Variants in P4HA1 observed in about 807,000 individuals in gnomAD.
P4HA1 encodes the protein prolyl 4-hydroxylase subunit alpha-1.
P4HA1 carries 24 observed loss-of-function variants against 72.8 expected under a neutral mutation model. The observed-to-expected ratio is 0.33, with a 90% CI of 0.24 to 0.46. The LOEUF is 0.46. P4HA1 is among the 20% of genes least tolerant of loss of function. The pLI, the probability that P4HA1 is intolerant of heterozygous loss-of-function variation, is 1.00. For synonymous variants in P4HA1, 201 were observed against 218.8 expected (o/e 0.92, Z 0.72); for missense variants, 446 against 640.6 (o/e 0.70, Z 3.28).
rs372617479 is a variant in P4HA1 at position 73,073,966 on chromosome 10, C to CT, written c.77-140dup. The stretch of plus-strand genomic sequence containing the variant: ...ATATGCTGGAGACTATCTTTTCTTC[C>CT]TTTTTACCAGATAAACCAAAATAAA... On this transcript the variant is annotated intron_variant, in intron 2 of 14. Coordinates refer to ENST00000394890, the MANE Select transcript of P4HA1 (RefSeq NM_001017962.3). 719 of 643,128 alleles carry CT rather than the reference C, an allele frequency of 1.1e-3. 2 individuals carry two copies. The African/African-American group carries it at 0.012, about 11-fold the overall frequency. 39.8% of individuals were successfully genotyped at this position (643,128 alleles called of 1,614,324 possible).
chr10:73,070,825 G>C (rs527936708), intron 4 of P4HA1, among the ~76,000 whole-genome samples: 3 of 151,998 alleles, frequency 2.0e-5, no homozygotes, highest in Non-Finnish European at 4.4e-5. Context: ...AAAGTGCCAA[G>C]GTTCACATTA....
intron 1 of P4HA1, among the ~76,000 whole-genome samples, chr10:73,084,918 T>C (rs1446886659): frequency 6.6e-6 from 1 of 152,010 alleles, no homozygotes; most frequent in Non-Finnish European, 1.5e-5. Flanking sequence ...GATGGAAGGA[T>C]CACTTGAGCT....
At chr10:73,077,193 C>A (rs1470009881) in intron 1 of P4HA1, among the ~76,000 whole-genome samples, 1 of 152,218 alleles carries the variant, frequency 6.6e-6, no homozygotes, top group African/African-American at 2.4e-5. Context: ...CTAGAATTTT[C>A]TGTTTAAACA....
intron 10 of P4HA1, among the ~76,000 whole-genome samples, chr10:73,024,510 T>C (rs918612408): frequency 1.3e-5 from 2 of 152,200 alleles, no homozygotes; most frequent in African/African-American, 4.8e-5. Context: ...GGAAAATTTA[T>C]AGCACTAAAT....
chr10:73,047,133 A>T, intron 7 of P4HA1, 32 bp from the exon 8 acceptor site: 1 of 1,425,806 alleles, frequency 7.0e-7, no homozygotes, highest in African/African-American at 1.4e-5. Flanking sequence ...TGATGAATAT[A>T]TTACAGTAAT....
chr10:73,035,636 T>C (rs901578738), intron 9 of P4HA1, among the ~76,000 whole-genome samples: 1 of 152,330 alleles, frequency 6.6e-6, no homozygotes, highest in African/African-American at 2.4e-5. Flanking sequence ...ATAAACAATA[T>C]TGTAACAAAA....
At chr10:73,057,186 TG>T (rs1841170987) in intron 5 of P4HA1, among the ~76,000 whole-genome samples, 1 of 150,302 alleles carries the variant, frequency 6.7e-6, no homozygotes, top group South Asian at 2.1e-4. Flanking sequence ...AAACATGAAA[TG>T]CTAGTTAAAA....
intron 1 of P4HA1, among the ~76,000 whole-genome samples, chr10:73,089,006 CTCAT>C (rs939312710): frequency 6.6e-6 from 1 of 152,138 alleles, no homozygotes; most frequent in Admixed American, 6.5e-5. Context: ...TTAGAATCGG[CTCAT>C]TAATTTCTAT....
chr10:73,089,183 C>T (rs1490589887), intron 1 of P4HA1, among the ~76,000 whole-genome samples: 4 of 152,116 alleles, frequency 2.6e-5, no homozygotes, highest in Non-Finnish European at 4.4e-5. Flanking sequence ...AAAGTTAATA[C>T]TTAAGTATTT....
intron 7 of P4HA1, among the ~76,000 whole-genome samples, chr10:73,047,549 CAAAAAAAAAAA>C: frequency 1.7e-5 from 1 of 59,126 alleles, no homozygotes; most frequent in East Asian, 6.1e-4. Context: ...ATGCTTGTGG[CAAAAAAAAAAA>C]AAAAAAAAAA....
rs1839900648 is a variant in P4HA1 at position 73,011,041 on chromosome 10, T to C, written c.1369-4A>G. 1 of 1,611,584 alleles carries C rather than the reference T, an allele frequency of 6.2e-7. No individual in the cohort carries two copies. Among genetic ancestry groups the C allele is most frequent in the Non-Finnish European group, 8.5e-7 (1 of 1,178,242 alleles). On this transcript the variant is annotated splice_polypyrimidine_tract_variant and splice_region_variant and intron_variant, in intron 12 of 14. Transcript: ENST00000394890. Reference sequence around the variant, plus strand: ...CTCCTGCAGACACATCACTCATCTATAAGAAACAAGAGGGTGTTATCAAAA... The same window carrying C: ...CTCCTGCAGACACATCACTCATCTACAAGAAACAAGAGGGTGTTATCAAAA...
intron 9 of P4HA1, 93 bp downstream of exon 9, chr10:73,044,888 T>G (rs968733156): frequency 1.7e-5 from 17 of 1,015,084 alleles, no homozygotes; most frequent in Non-Finnish European, 2.5e-5. Context: ...AGCTGGTGAC[T>G]GAAAATGACC....
chr10:73,027,573 T>C (rs1378919600), intron 10 of P4HA1, among the ~76,000 whole-genome samples: 1 of 122,912 alleles, frequency 8.1e-6, no homozygotes, highest in Non-Finnish European at 1.6e-5. Flanking sequence ...GTTGTGCACA[T>C]GTACCCTAGA....
intron 10 of P4HA1, among the ~76,000 whole-genome samples, chr10:73,024,265 A>T (rs574128244): frequency 6.9e-4 from 104 of 151,680 alleles, no homozygotes; most frequent in Non-Finnish European, 2.4e-4. Context: ...CAGCAAATGT[A>T]AAAGAACAGA....
intron 7 of P4HA1, among the ~76,000 whole-genome samples, chr10:73,049,448 G>T (rs1840959882): frequency 6.6e-6 from 1 of 152,122 alleles, no homozygotes; most frequent in Middle Eastern, 3.2e-3. Context: ...TTTTCAAAAG[G>T]TTCCATAATC....
rs776245083 is a variant in P4HA1, at chr10:73,046,973, A to C, written c.1029T>G (p.Ile343Met). 1.2e-6 allele frequency: 2 copies of C among 1,613,032 alleles called. No individual in the cohort carries two copies. Among genetic ancestry groups the C allele is most frequent in the East Asian group, 4.5e-5 (2 of 44,840 alleles). ...DKPRIIRFHD[I>M]ISDAEIEIVK... Reference sequence around the variant, plus strand: ...CGATTTCAATTTCTGCATCAGAAATAATATCATGGAAGCGAATAATACGAG... The same window carrying C: ...CGATTTCAATTTCTGCATCAGAAATCATATCATGGAAGCGAATAATACGAG... Residue 343 changes from isoleucine (I) to methionine (M), a missense_variant, in exon 8 of 15, where the codon ATT becomes ATG. Ile to Met is a conservative substitution (Grantham distance 10). Transcript: ENST00000394890.
At chr10:73,077,981 C>G (rs924603584) in intron 1 of P4HA1, among the ~76,000 whole-genome samples, 1 of 145,076 alleles carries the variant, frequency 6.9e-6, no homozygotes, top group Non-Finnish European at 1.5e-5. Context: ...AAAGTGAGAC[C>G]CCATCTCAAA....
chr10:73,051,034 A>G lies in P4HA1; in HGVS notation c.900+19T>C. 1 of 1,587,768 alleles carries G rather than the reference A, an allele frequency of 6.3e-7. No individual in the cohort carries two copies. Among genetic ancestry groups the G allele is most frequent in the Non-Finnish European group, 8.6e-7 (1 of 1,157,140 alleles). Reference sequence around the variant, plus strand: ...ACACACACACATTCACATACACACAATTGGCTTTTCCACTTTACCATTTTG... The same window carrying G: ...ACACACACACATTCACATACACACAGTTGGCTTTTCCACTTTACCATTTTG... On this transcript the variant is annotated intron_variant, in intron 7 of 14. Transcript: ENST00000394890.
chr10:73,065,931 T>TTC (rs1841410311), intron 5 of P4HA1, among the ~76,000 whole-genome samples: 2 of 152,102 alleles, frequency 1.3e-5, no homozygotes, highest in South Asian at 4.2e-4. Context: ...CTGAAAATAT[T>TTC]AGGTTAAAAA....
Sources: allele counts gnomAD v4.1 joint callset (sites outside exome capture counted in the v4.1 genomes callset), GRCh38; gene constraint gnomAD v4.1.1; transcripts MANE v1.5; gene names NCBI Gene and HGNC (gene_info 2026-07-23, HGNC 2026-07-21).